Variants in SLCO1B3 observed in about 807,000 individuals in gnomAD.
SLCO1B3 encodes the protein solute carrier organic anion transporter family member 1B3, also known as liver-specific organic anion transporter 2.
In SLCO1B3, 72 loss-of-function variants were observed where a neutral mutation model predicts 71.8. The ratio of observed to expected loss-of-function variants is 1.00; its 90% CI spans 0.83 to 1.22. SLCO1B3 has a LOEUF of 1.22. SLCO1B3 is among the 50% of genes most tolerant of loss of function. The pLI is 0.00. For missense variants in SLCO1B3, 911 were observed against 819.7 expected (o/e 1.11, Z -1.36); for synonymous variants, 298 against 278.4 (o/e 1.07, Z -0.70).
intron 3 of SLCO1B3, among the ~76,000 whole-genome samples, chr12:20,821,550 G>A (rs934828304): frequency 6.8e-6 from 1 of 147,058 alleles, no homozygotes; most frequent in Admixed American, 6.7e-5. Flanking sequence ...CAGAGAAAGG[G>A]TTGGGGCACG....
intron 3 of SLCO1B3, among the ~76,000 whole-genome samples, chr12:20,819,106 A>G (rs1864244294): frequency 6.6e-6 from 1 of 152,146 alleles, no homozygotes; most frequent in Non-Finnish European, 1.5e-5. Flanking sequence ...CTGCACGCGG[A>G]CATGAGGGCT....
At chr12:20,851,411 T>C (rs1462371808) in intron 3 of SLCO1B3, among the ~76,000 whole-genome samples, 1 of 152,188 alleles carries the variant, frequency 6.6e-6, no homozygotes, top group African/African-American at 2.4e-5. Flanking sequence ...ATTTCCCTTA[T>C]GATTAGTGAT....
chr12:20,876,617 A>G (rs1865584881), intron 9 of SLCO1B3, among the ~76,000 whole-genome samples: 1 of 152,132 alleles, frequency 6.6e-6, no homozygotes, highest in African/African-American at 2.4e-5. Flanking sequence ...GTAGCTTGAA[A>G]TTGTCCATGG....
chr12:20,898,238 A>G (rs887333499), intron 13 of SLCO1B3, among the ~76,000 whole-genome samples, 198 bp from the exon 14 acceptor site: 29 of 152,162 alleles, frequency 1.9e-4, no homozygotes, highest in African/African-American at 7.0e-4. Flanking sequence ...CATTTAATAA[A>G]TAAAGAAATT....
intron 3 of SLCO1B3, among the ~76,000 whole-genome samples, chr12:20,844,459 C>T (rs4341591): frequency 0.76 from 115,149 of 151,460 alleles, 45,238 homozygotes; most frequent in South Asian, 0.92. Flanking sequence ...TACCAGTTAC[C>T]TGGGAAGCTG....
intron 14 of SLCO1B3, among the ~76,000 whole-genome samples, chr12:20,899,676 C>CCT (rs879561085): frequency 7.9e-5 from 12 of 152,146 alleles, no homozygotes; most frequent in Non-Finnish European, 1.8e-4. Context: ...AGAGACGATA[C>CCT]CTCACTCCTG....
chr12:20,851,789 T>A (rs907327189), intron 3 of SLCO1B3, among the ~76,000 whole-genome samples: 2 of 113,620 alleles, frequency 1.8e-5, no homozygotes, highest in African/African-American at 6.4e-5. Flanking sequence ...GAGTGTAAGG[T>A]CTTACATTTA....
chr12:20,897,432 A>G (rs952448890), intron 13 of SLCO1B3, among the ~76,000 whole-genome samples: 11 of 152,198 alleles, frequency 7.2e-5, no homozygotes, highest in Admixed American at 2.0e-4. Flanking sequence ...TTCTTATAAC[A>G]TATGAGATAA....
chr12:20,836,871 G>A (rs944453812), intron 3 of SLCO1B3, among the ~76,000 whole-genome samples: 2 of 152,154 alleles, frequency 1.3e-5, no homozygotes, highest in African/African-American at 4.8e-5. Flanking sequence ...TCGATCTCCT[G>A]ACCTCGGGAT....
At chr12:20,822,979 G>C (rs372647497) in intron 3 of SLCO1B3, among the ~76,000 whole-genome samples, 1 of 151,916 alleles carries the variant, frequency 6.6e-6, no homozygotes, top group African/African-American at 2.4e-5. Flanking sequence ...GTCTGATCTC[G>C]CATGGCTGTG....
chr12:20,910,927 T>C (rs1866360930), intron 15 of SLCO1B3, among the ~76,000 whole-genome samples: 1 of 152,126 alleles, frequency 6.6e-6, no homozygotes, highest in African/African-American at 2.4e-5. Flanking sequence ...TCAATCTGTA[T>C]ATATACCATT....
chr12:20,884,022 T>C (rs1865745728), intron 13 of SLCO1B3, among the ~76,000 whole-genome samples: 1 of 152,178 alleles, frequency 6.6e-6, no homozygotes, highest in South Asian at 2.1e-4. Flanking sequence ...TGTAATGAAA[T>C]TCTAATGCTT....
chr12:20,835,877 C>A (rs997047511), intron 3 of SLCO1B3, among the ~76,000 whole-genome samples: 1 of 152,130 alleles, frequency 6.6e-6, no homozygotes, highest in African/African-American at 2.4e-5. Context: ...CCCCTCAGTA[C>A]CAATTTACTG....
intron 3 of SLCO1B3, among the ~76,000 whole-genome samples, chr12:20,836,656 T>C (rs1864686294): frequency 6.6e-6 from 1 of 152,170 alleles, no homozygotes; most frequent in African/African-American, 2.4e-5. Context: ...TGTTTTGTTT[T>C]TTTGAGATGG....
At chr12:20,914,215 G>A (rs778558914) in intron 15 of SLCO1B3, among the ~76,000 whole-genome samples, 12 of 151,794 alleles carry the variant, frequency 7.9e-5, no homozygotes, top group East Asian at 3.9e-4. Flanking sequence ...CTGTCTTCCC[G>A]TTTTGTTTTA....
intron 3 of SLCO1B3, among the ~76,000 whole-genome samples, chr12:20,818,950 C>T (rs1358800230): frequency 6.6e-6 from 1 of 152,192 alleles, no homozygotes; most frequent in Non-Finnish European, 1.5e-5. Context: ...AGAGTGAGTA[C>T]AGCTGAAGGA....
chr12:20,912,495 ATTTTT>A (rs34721125), intron 15 of SLCO1B3, among the ~76,000 whole-genome samples: 1 of 118,926 alleles, frequency 8.4e-6, no homozygotes, highest in Non-Finnish European at 1.7e-5. Flanking sequence ...CACCTGGCTA[ATTTTT>A]TTTTTTTTTT....
chr12:20,887,978 G>C (rs1200024860), intron 13 of SLCO1B3, among the ~76,000 whole-genome samples: 1 of 151,922 alleles, frequency 6.6e-6, no homozygotes, highest in Admixed American at 6.6e-5. Flanking sequence ...TTATTGAATA[G>C]GGTGTCCTTT....
At chr12:20,817,543 T>TCTG (rs1864213502) in intron 3 of SLCO1B3, among the ~76,000 whole-genome samples, 1 of 152,140 alleles carries the variant, frequency 6.6e-6, no homozygotes, top group Admixed American at 6.6e-5. Context: ...GGTCTATGTG[T>TCTG]CTGTTTATAT....
Sources: gnomAD v4.1 joint callset for allele counts (sites outside exome capture counted in the v4.1 genomes callset) on GRCh38, gnomAD v4.1.1 for gene constraint, MANE v1.5 for transcripts, NCBI Gene and HGNC (gene_info 2026-07-23, HGNC 2026-07-21) for gene names.